MAP2K2: variants seen among roughly 807,000 people sequenced by gnomAD.
MAP2K2 encodes dual specificity mitogen-activated protein kinase kinase 2.
MAP2K2 carries 24 observed loss-of-function variants against 43.7 expected under a neutral mutation model. The ratio of observed to expected loss-of-function variants is 0.55; its 90% CI spans 0.40 to 0.77. MAP2K2 has a LOEUF of 0.77. MAP2K2 is among the 30% of genes least tolerant of loss of function. The pLI is 0.00. For synonymous variants in MAP2K2, 244 were observed against 239.7 expected (o/e 1.02, Z -0.17); for missense variants, 470 against 566.8 (o/e 0.83, Z 1.73).
In MAP2K2 at chr19:4,102,867, G is replaced by C. The variant is rs531241590; in HGVS notation, c.451-414C>G. On this transcript the variant is annotated intron_variant, in intron 3 of 10. Transcript: ENST00000262948. ...GGAGGCGGCCAGGCTGGAGACCAGC[G>C]TCTTGGGCCTGCGTCCTCTTCCCAG... The C allele has an allele frequency of 1.3e-3, 1,512 of 1,182,250 alleles. 2 individuals carry two copies. The highest frequency in any genetic ancestry group is 1.6e-3 in the Non-Finnish European group (1,471 of 938,966). The allele number at this position is 1,182,250 out of a possible 1,614,324, so 73.2% of individuals were successfully genotyped here.
chr19:4,122,372 T>C (rs1043616841), intron 1 of MAP2K2, among the ~76,000 whole-genome samples: 1 of 9,610 alleles, frequency 1.0e-4, no homozygotes, highest in African/African-American at 5.6e-4. Flanking sequence ...ATAGGGACCC[T>C]CCCACCCCAT....
intron 2 of MAP2K2, among the ~76,000 whole-genome samples, chr19:4,114,859 G>T (rs1332392305): frequency 1.3e-5 from 2 of 152,196 alleles, no homozygotes; most frequent in African/African-American, 4.8e-5. Flanking sequence ...GAACCTGTGA[G>T]GTGGAGGTTG....
chr19:4,103,641 T>G (rs1458927152), intron 3 of MAP2K2, among the ~76,000 whole-genome samples: 2 of 152,096 alleles, frequency 1.3e-5, no homozygotes, highest in African/African-American at 2.4e-5. Context: ...TTCACATGGG[T>G]GGGAGGAGCC....
At position 4,123,925 on chromosome 19, in the gene MAP2K2, G is replaced by C. The variant is rs760176331; in HGVS notation, c.-50C>G. 195 of 1,141,816 alleles carry C rather than the reference G, an allele frequency of 1.7e-4. No individual in the cohort carries two copies. Among genetic ancestry groups the C allele is most frequent in the Non-Finnish European group, 2.1e-4 (188 of 892,028 alleles). 70.7% of individuals were successfully genotyped at this position (1,141,816 alleles called of 1,614,324 possible). On this transcript the variant is annotated 5_prime_UTR_variant, in exon 1 of 11. Transcript: ENST00000262948. ...CGGCGCCTCTAGCCGGGGCCCATAG[G>C]GGGCGGGCCGGGAGCGGTCGGCGCC...
At chr19:4,118,397 G>C (rs1254257859) in intron 1 of MAP2K2, among the ~76,000 whole-genome samples, 1 of 152,128 alleles carries the variant, frequency 6.6e-6, no homozygotes, top group Non-Finnish European at 1.5e-5. Context: ...AGAACCAAGA[G>C]TAGAGGGCAG....
intron 10 of MAP2K2, among the ~76,000 whole-genome samples, chr19:4,091,439 G>A (rs1291937444): frequency 6.6e-6 from 1 of 151,606 alleles, no homozygotes; most frequent in South Asian, 2.1e-4. Context: ...TGCAACCTCC[G>A]CCTCCCGGGT....
chr19:4,106,553 C>T (rs1315704445), intron 3 of MAP2K2, among the ~76,000 whole-genome samples: 2 of 152,112 alleles, frequency 1.3e-5, no homozygotes, highest in South Asian at 2.1e-4. Context: ...GGACTACAGG[C>T]GTGCGCCACC....
intron 10 of MAP2K2, among the ~76,000 whole-genome samples, chr19:4,094,044 C>T (rs1164228894): frequency 6.6e-6 from 1 of 152,128 alleles, no homozygotes; most frequent in East Asian, 1.9e-4. Flanking sequence ...CGCACGGCCT[C>T]GGGGGACCTG....
intron 3 of MAP2K2, among the ~76,000 whole-genome samples, chr19:4,105,939 A>C (rs1427672354): frequency 1.3e-5 from 2 of 152,164 alleles, no homozygotes; most frequent in African/African-American, 4.8e-5. Context: ...CTGGGATCAC[A>C]GGAGTGAGCA....
At chr19:4,123,745 C>T (rs2145089628) in intron 1 of MAP2K2, 39 bp downstream of exon 1, 1 of 1,480,830 alleles carries the variant, frequency 6.8e-7, no homozygotes, top group Non-Finnish European at 9.1e-7. Context: ...CTCCCTGCCC[C>T]GTGCACCCCA....
chr19:4,102,872 G>A (rs1312234605), intron 3 of MAP2K2: 3 of 1,179,774 alleles, frequency 2.5e-6, no homozygotes, highest in Non-Finnish European at 1.1e-6. Flanking sequence ...CCAGCGTCTT[G>A]GGCCTGCGTC....
intron 10 of MAP2K2, among the ~76,000 whole-genome samples, chr19:4,091,293 G>A (rs186434248): frequency 8.2e-4 from 125 of 152,302 alleles, no homozygotes; most frequent in African/African-American, 2.8e-3. Context: ...GGCTCCCATG[G>A]CTTGAGAACA....
At chr19:4,116,131 G>A (rs531697544) in intron 2 of MAP2K2, among the ~76,000 whole-genome samples, 1 of 152,322 alleles carries the variant, frequency 6.6e-6, no homozygotes, top group East Asian at 1.9e-4. Context: ...TTGCTGGGAA[G>A]GTATGTTTTT....
rs374170695 is a variant in MAP2K2 at position 4,096,123 on chromosome 19, C to A, written c.985-674G>T. Among the ~76,000 whole-genome samples the A allele has an allele frequency of 2.1e-4, 32 of 152,366 alleles. No homozygotes were observed. The East Asian group carries it at 5.8e-3, about 28-fold the overall frequency. On this transcript the variant is annotated intron_variant, in intron 8 of 10. Coordinates refer to ENST00000262948, the MANE Select transcript of MAP2K2 (RefSeq NM_030662.4). The stretch of plus-strand genomic sequence containing the variant: ...CCAAGCACTGGGGAGCCTGGCCTGA[C>A]ACACGTCCCCGGAGCGGGAGTGGCC...
intron 7 of MAP2K2, among the ~76,000 whole-genome samples, chr19:4,097,614 C>T (rs560867172): frequency 4.3e-4 from 65 of 152,306 alleles, no homozygotes; most frequent in African/African-American, 1.5e-3. Context: ...ACATTTGGCT[C>T]GGTGAGGCTT....
intron 3 of MAP2K2, among the ~76,000 whole-genome samples, chr19:4,107,745 A>G (rs2041103225): frequency 6.6e-6 from 1 of 151,996 alleles, no homozygotes; most frequent in African/African-American, 2.4e-5. Context: ...AAAATGCAAA[A>G]TAAAGATGAC....
chr19:4,095,594 C>T, intron 8 of MAP2K2, 145 bp from the exon 9 acceptor site: 1 of 605,704 alleles, frequency 1.7e-6, no homozygotes. Context: ...TGCACCCTGT[C>T]AGAGGTGGCC....
chr19:4,119,610 T>C (rs538068874), intron 1 of MAP2K2, among the ~76,000 whole-genome samples: 5 of 152,384 alleles, frequency 3.3e-5, no homozygotes, highest in Non-Finnish European at 7.3e-5. Flanking sequence ...GAATGAATGT[T>C]TCACACTGTT....
intron 6 of MAP2K2, 32 bp from the exon 7 acceptor site, chr19:4,099,446 A>G (rs2145050701): frequency 1.9e-6 from 3 of 1,557,032 alleles, no homozygotes; most frequent in Non-Finnish European, 2.6e-6. Context: ...AAGAGCCCAG[A>G]GGGGCGAGGA....
Sources: allele counts gnomAD v4.1 joint callset (sites outside exome capture counted in the v4.1 genomes callset), GRCh38; gene constraint gnomAD v4.1.1; transcripts MANE v1.5; gene names NCBI Gene and HGNC (gene_info 2026-07-23, HGNC 2026-07-21).